RPSA2: variants seen among roughly 807,000 people sequenced by gnomAD.
RPSA2 encodes small ribosomal subunit protein uS2B.
At chr19:23,818,123 T>G in the RPSA2 span, 8 of 152,218 alleles carry the variant, frequency 5.3e-5, no homozygotes, top group Admixed American at 3.3e-4. Flanking sequence ...TATGACTTAA[T>G]TTTTCATGAA....
the RPSA2 span, among the ~76,000 whole-genome samples, chr19:23,830,169 G>A: frequency 4.0e-5 from 6 of 151,068 alleles, no homozygotes; most frequent in African/African-American, 4.9e-5. Flanking sequence ...GAGACTAAAC[G>A]TCTCTCTATC....
the RPSA2 span, among the ~76,000 whole-genome samples, chr19:23,850,489 G>A: frequency 6.1e-5 from 9 of 147,754 alleles, no homozygotes; most frequent in Admixed American, 6.1e-4. Flanking sequence ...TTTGATTTGT[G>A]TGCCAGTTTC....
the RPSA2 span, among the ~76,000 whole-genome samples, chr19:23,787,252 G>A: frequency 1.3e-5 from 2 of 152,132 alleles, no homozygotes; most frequent in East Asian, 3.8e-4. Flanking sequence ...ATTACTGGGT[G>A]TGACACTCAG....
At chr19:23,854,226 A>G in the RPSA2 span, among the ~76,000 whole-genome samples, 1 of 152,182 alleles carries the variant, frequency 6.6e-6, no homozygotes, top group Non-Finnish European at 1.5e-5. Flanking sequence ...CCTTTAGCAG[A>G]GGTGGATGCC....
chr19:23,858,780 A>C, the RPSA2 span, among the ~76,000 whole-genome samples: 3 of 152,206 alleles, frequency 2.0e-5, no homozygotes, highest in Non-Finnish European at 4.4e-5. Flanking sequence ...AGCAGGCAAC[A>C]CAGTGCTGGC....
the RPSA2 span, among the ~76,000 whole-genome samples, chr19:23,793,469 G>A: frequency 6.6e-6 from 1 of 150,382 alleles, no homozygotes; most frequent in African/African-American, 2.4e-5. Flanking sequence ...TATGTATTTT[G>A]TTTGGAGACA....
At chr19:23,809,640 T>C in the RPSA2 span, 18 of 152,248 alleles carry the variant, frequency 1.2e-4, no homozygotes, top group African/African-American at 4.3e-4. Flanking sequence ...TTTTCTCTCT[T>C]TTATCAGACC....
the RPSA2 span, among the ~76,000 whole-genome samples, chr19:23,815,124 G>A: frequency 0.98 from 148,952 of 152,280 alleles, 72,942 homozygotes; most frequent in Middle Eastern, 1. Flanking sequence ...GATTATAGGC[G>A]TGAGCTACAC....
chr19:23,863,905 C>G, the RPSA2 span, among the ~76,000 whole-genome samples: 17 of 152,254 alleles, frequency 1.1e-4, no homozygotes, highest in South Asian at 6.2e-4. Context: ...CAGTGCAGAA[C>G]AGAATAACAG....
chr19:23,820,296 A>G, the RPSA2 span, among the ~76,000 whole-genome samples: 9 of 152,158 alleles, frequency 5.9e-5, no homozygotes, highest in Admixed American at 3.3e-4. Context: ...CGTTTTTCCC[A>G]TGTGAGTTCC....
At chr19:23,861,275 T>G in the RPSA2 span, among the ~76,000 whole-genome samples, 13 of 152,298 alleles carry the variant, frequency 8.5e-5, no homozygotes, top group Admixed American at 6.5e-4. Flanking sequence ...CAAACACTTA[T>G]GAGTTTACAG....
chr19:23,825,342 G>A, the RPSA2 span, among the ~76,000 whole-genome samples: 21 of 152,150 alleles, frequency 1.4e-4, 1 homozygote, highest in South Asian at 4.2e-3. Context: ...CATTAATTGT[G>A]TTTTGATTTT....
chr19:23,796,137 AC>A, the RPSA2 span, among the ~76,000 whole-genome samples: 1 of 152,180 alleles, frequency 6.6e-6, no homozygotes, highest in Non-Finnish European at 1.5e-5. Flanking sequence ...TAAAGTATGT[AC>A]TTTTAATGCC....
At chr19:23,841,306 T>C in the RPSA2 span, among the ~76,000 whole-genome samples, 1 of 151,780 alleles carries the variant, frequency 6.6e-6, no homozygotes, top group South Asian at 2.1e-4. Context: ...CTACTAAAAT[T>C]ACAAAAAATC....
chr19:23,834,025 G>T, the RPSA2 span, among the ~76,000 whole-genome samples: 3 of 151,972 alleles, frequency 2.0e-5, no homozygotes, highest in East Asian at 1.9e-4. Context: ...ATTTTTGCAG[G>T]TGCAGTAAAG....
chr19:23,867,757 G>A, the RPSA2 span, among the ~76,000 whole-genome samples: 1 of 151,808 alleles, frequency 6.6e-6, no homozygotes, highest in Admixed American at 6.6e-5. Flanking sequence ...GTGAACCCGG[G>A]AGGCAGAGCT....
chr19:23,836,125 T>C, the RPSA2 span, among the ~76,000 whole-genome samples: 1 of 152,104 alleles, frequency 6.6e-6, no homozygotes, highest in Admixed American at 6.6e-5. Context: ...GCATCATATA[T>C]GTTGTCTTTT....
chr19:23,838,749 G>A, the RPSA2 span, among the ~76,000 whole-genome samples: 3 of 51,006 alleles, frequency 5.9e-5, no homozygotes, highest in Non-Finnish European at 7.9e-5. Context: ...GTGTTCTTAG[G>A]AGCCTTGAAT....
chr19:23,859,627 CA>C, the RPSA2 span, among the ~76,000 whole-genome samples: 146,719 of 150,218 alleles, frequency 0.98, 71,733 homozygotes, highest in South Asian at 1. Context: ...AGTTCCGTCT[CA>C]AAAAAAAAAA....
Sources: gnomAD v4.1 joint callset for allele counts (sites outside exome capture counted in the v4.1 genomes callset) on GRCh38, gnomAD v4.1.1 for gene constraint, MANE v1.5 for transcripts, NCBI Gene and HGNC (gene_info 2026-07-23, HGNC 2026-07-21) for gene names.